SYTL4: variants seen among roughly 807,000 people sequenced by gnomAD.
SYTL4 encodes synaptotagmin like 4, also known as synaptotagmin-like protein 4.
In SYTL4, 16 loss-of-function variants were observed where a neutral mutation model predicts 52.7. The ratio of observed to expected loss-of-function variants is 0.30; its 90% CI spans 0.21 to 0.46. The LOEUF (loss-of-function observed/expected upper bound fraction) is 0.46, where lower values mean the gene tolerates loss of function less well. Among genes scored for constraint, SYTL4 ranks in the 20% least tolerant of loss-of-function variants. SYTL4 has a pLI of 1.00. For missense variants in SYTL4, 423 were observed against 519.9 expected, an observed-to-expected ratio of 0.81 and a Z score of 1.81; for synonymous variants, 160 against 186.6, an observed-to-expected ratio of 0.86 and a Z score of 1.16.
intron 2 of SYTL4, among the ~76,000 whole-genome samples, chrX:100,726,742 T>C (rs997706137): frequency 1.8e-5 from 2 of 110,388 alleles, no homozygotes; most frequent in Non-Finnish European, 3.8e-5. Context: ...AGGAACACTC[T>C]CTCCTTCCCA....
intron 8 of SYTL4, among the ~76,000 whole-genome samples, chrX:100,692,794 AGACCTCTAATATTTAGATTAT>A (rs1386695746): frequency 1.8e-5 from 2 of 111,197 alleles, no homozygotes; most frequent in Admixed American, 9.6e-5. Context: ...CTCCTCCCGT[AGACCTCTAATATTTAGATTAT>A]GTCCAAACTT....
intron 2 of SYTL4, among the ~76,000 whole-genome samples, chrX:100,724,020 G>GC (rs1448104399): frequency 1.0e-5 from 1 of 99,362 alleles, no homozygotes; most frequent in African/African-American, 3.9e-5. Context: ...GAGGTGGGGG[G>GC]GGTCAGCCCC....
intron 15 of SYTL4, 101 bp from the exon 16 acceptor site, chrX:100,686,252 T>G (rs2083471687): frequency 2.5e-6 from 2 of 813,559 alleles, no homozygotes; most frequent in Admixed American, 7.8e-5. Flanking sequence ...TCACTAGTCC[T>G]GAATACCAAA....
At chrX:100,685,742 AG>A (rs2083460908) in intron 16 of SYTL4, 1 of 299,447 alleles carries the variant, frequency 3.3e-6, no homozygotes, top group Non-Finnish European at 5.9e-6. Context: ...TAGGAGACAA[AG>A]TTTGGTACAC....
chrX:100,714,263 A>ATT (rs373405140), intron 2 of SYTL4, among the ~76,000 whole-genome samples: 1 of 96,489 alleles, frequency 1.0e-5, no homozygotes. Context: ...TTATGTCAAG[A>ATT]TTTTTTTTTT....
chrX:100,713,503 T>C (rs762009268), intron 2 of SYTL4, among the ~76,000 whole-genome samples: 49 of 107,019 alleles, frequency 4.6e-4, no homozygotes, highest in Non-Finnish European at 8.7e-4. Flanking sequence ...GTAATCCCAG[T>C]TACTTGGGAG....
At chrX:100,695,860 C>T (rs2083694356) in intron 8 of SYTL4, among the ~76,000 whole-genome samples, 1 of 111,933 alleles carries the variant, frequency 8.9e-6, no homozygotes, top group Non-Finnish European at 1.9e-5. Context: ...ATCCCTCCTG[C>T]CCTTCCTGTA....
chrX:100,715,401 A>G (rs35313398), intron 2 of SYTL4, among the ~76,000 whole-genome samples: 1 of 111,679 alleles, frequency 9.0e-6, no homozygotes, highest in African/African-American at 3.3e-5. Context: ...AGTGATAAAA[A>G]TTTGGGGTGA....
At chrX:100,718,729 C>G (rs907946204) in intron 2 of SYTL4, among the ~76,000 whole-genome samples, 1 of 111,282 alleles carries the variant, frequency 9.0e-6, no homozygotes, top group African/African-American at 3.3e-5. Flanking sequence ...TGGCTCCCTA[C>G]GATCCTTTTC....
intron 8 of SYTL4, among the ~76,000 whole-genome samples, chrX:100,698,684 T>C (rs1394653416): frequency 1.8e-5 from 2 of 111,953 alleles, no homozygotes; most frequent in Non-Finnish European, 3.8e-5. Flanking sequence ...CATGTAAGAA[T>C]ACAATAAATA....
At chrX:100,726,788 T>G (rs751897562) in intron 2 of SYTL4, among the ~76,000 whole-genome samples, 7 of 111,813 alleles carry the variant, frequency 6.3e-5, no homozygotes, top group African/African-American at 2.3e-4. Flanking sequence ...ATACTACATG[T>G]TTTTAATTAT....
intron 2 of SYTL4, among the ~76,000 whole-genome samples, chrX:100,715,973 C>T (rs892435188): frequency 9.9e-6 from 1 of 101,154 alleles, no homozygotes; most frequent in Non-Finnish European, 2.0e-5. Flanking sequence ...AAAAAGTGGA[C>T]TCTATTAACT....
chrX:100,705,936 T>C (rs1364849601), intron 2 of SYTL4, among the ~76,000 whole-genome samples: 1 of 111,230 alleles, frequency 9.0e-6, no homozygotes, highest in Non-Finnish European at 1.9e-5. Context: ...GACCACAGTC[T>C]CTTGAGCCCC....
chrX:100,730,355 T>G (rs946043483), intron 2 of SYTL4, among the ~76,000 whole-genome samples: 4 of 111,036 alleles, frequency 3.6e-5, no homozygotes, highest in African/African-American at 1.3e-4. Flanking sequence ...GAAGACAATT[T>G]TTTAATCACT....
intron 2 of SYTL4, among the ~76,000 whole-genome samples, chrX:100,723,934 G>A (rs1391013926): frequency 4.5e-5 from 4 of 89,466 alleles, no homozygotes; most frequent in Admixed American, 1.1e-4. Flanking sequence ...GTCAGCCCCC[G>A]CCAGGCCAGC....
chrX:100,676,266 T>C (rs760268976), intron 19 of SYTL4, 90 bp from the exon 20 acceptor site: 2 of 1,021,707 alleles, frequency 2.0e-6, no homozygotes, highest in Non-Finnish European at 2.7e-6. Flanking sequence ...AGCCACCCCA[T>C]AACAGTTTCC....
chrX:100,717,988 G>C (rs1178552228), intron 2 of SYTL4, among the ~76,000 whole-genome samples: 1 of 111,618 alleles, frequency 9.0e-6, no homozygotes, highest in African/African-American at 3.3e-5. Flanking sequence ...TTAACTTTGG[G>C]CAAGTTATTT....
intron 2 of SYTL4, among the ~76,000 whole-genome samples, chrX:100,725,208 C>A (rs534639139): frequency 9.0e-6 from 1 of 111,226 alleles, no homozygotes; most frequent in East Asian, 2.8e-4. Flanking sequence ...AGGGAATGGC[C>A]GTAGAGACTA....
chrX:100,691,811 T>G (rs1013298078), intron 8 of SYTL4, among the ~76,000 whole-genome samples: 2 of 111,461 alleles, frequency 1.8e-5, no homozygotes, highest in African/African-American at 3.3e-5. Flanking sequence ...GTGCTGGGAT[T>G]ACAGGCGTAA....
Sources: allele counts gnomAD v4.1 joint callset (sites outside exome capture counted in the v4.1 genomes callset), GRCh38; gene constraint gnomAD v4.1.1; transcripts MANE v1.5; gene names NCBI Gene and HGNC (gene_info 2026-07-23, HGNC 2026-07-21).